Variants in RBFOX1 observed in about 807,000 individuals in gnomAD.
RBFOX1 encodes RNA binding fox-1 homolog 1.
A neutral mutation model predicts 57.7 loss-of-function variants in RBFOX1; 8 were observed. That is an observed-to-expected ratio of 0.14 (90% confidence interval 0.08 to 0.25). The LOEUF is 0.25. Among genes scored for constraint, RBFOX1 ranks in the 10% least tolerant of loss-of-function variants. The pLI, the probability that RBFOX1 is intolerant of heterozygous loss-of-function variation, is 1.00. For missense variants in RBFOX1, 611 were observed against 548.5 expected, an observed-to-expected ratio of 1.11 and a Z score of -1.14; for synonymous variants, 326 against 222.4, an observed-to-expected ratio of 1.47 and a Z score of -4.15.
chr16:6,647,010 T>C (rs568836243), intron 2 of RBFOX1, among the ~76,000 whole-genome samples: 1 of 152,200 alleles, frequency 6.6e-6, no homozygotes. Context: ...TGCCATAGAC[T>C]GGATAGCTTC....
At chr16:6,298,088 C>A (rs139271323) in intron 1 of RBFOX1, among the ~76,000 whole-genome samples, 1 of 152,150 alleles carries the variant, frequency 6.6e-6, no homozygotes, top group African/African-American at 2.4e-5. Context: ...TTAAGCCATC[C>A]GTGGATGGCA....
chr16:7,619,513 G>C (rs1484087344), intron 10 of RBFOX1, among the ~76,000 whole-genome samples: 2 of 122 alleles, frequency 0.016, no homozygotes, highest in Non-Finnish European at 0.031. Flanking sequence ...ATCTGAGAAG[G>C]CTTAGAAGGC....
At chr16:5,728,450 A>T (rs975858471) in intron 3 of RBFOX1, among the ~76,000 whole-genome samples, 1 of 152,224 alleles carries the variant, frequency 6.6e-6, no homozygotes, top group Non-Finnish European at 1.5e-5. Context: ...GGTTAGCTCA[A>T]GGGAAGTCAT....
chr16:6,550,161 C>A (rs903168024), intron 2 of RBFOX1, among the ~76,000 whole-genome samples: 2 of 152,020 alleles, frequency 1.3e-5, no homozygotes, highest in Admixed American at 6.5e-5. Context: ...TCTCACTGTT[C>A]TTCATGGTAC....
chr16:7,291,970 TTATA>T (rs1229405200), intron 4 of RBFOX1, among the ~76,000 whole-genome samples: 1 of 98,896 alleles, frequency 1.0e-5, no homozygotes, highest in East Asian at 3.1e-4. Flanking sequence ...ATAATATATT[TTATA>T]TATAATATAG....
intron 3 of RBFOX1, among the ~76,000 whole-genome samples, chr16:6,961,521 T>C (rs1389844209): frequency 6.6e-6 from 1 of 152,172 alleles, no homozygotes; most frequent in Non-Finnish European, 1.5e-5. Context: ...AGCGAGTCCG[T>C]AAAGTCAAAG....
At chr16:6,099,747 C>T (rs1597303394) in intron 1 of RBFOX1, among the ~76,000 whole-genome samples, 1 of 152,186 alleles carries the variant, frequency 6.6e-6, no homozygotes, top group Admixed American at 6.5e-5. Context: ...CAGGAAAGTG[C>T]TCTGTGACTT....
rs888699204 is a variant in RBFOX1, at chr16:5,821,296, AT to A, written c.319-45990del. ...GCTGTCTGTCATTCTCTCTTTTTTT[AT>A]TTTTTTTTTTTTTTTTGAGACGGAG... is the stretch of plus-strand genomic sequence containing the variant. On this transcript the variant is annotated intron_variant, in intron 3 of 19. Coordinates refer to the RBFOX1 transcript ENST00000641259. 4.5e-3 allele frequency among the ~76,000 whole-genome samples: 587 copies of A among 129,348 alleles called. 7 individuals carry two copies. The highest frequency in any genetic ancestry group is 8.0e-3 in the South Asian group (30 of 3,750). The allele number at this position is 129,348 out of a possible 152,430, so 84.9% of individuals were successfully genotyped here.
intron 1 of RBFOX1, among the ~76,000 whole-genome samples, chr16:6,083,664 A>C (rs1198705732): frequency 2.0e-5 from 3 of 152,034 alleles, no homozygotes; most frequent in Non-Finnish European, 4.4e-5. Context: ...ATTTGTAGAC[A>C]CGGGGTCTCA....
chr16:6,784,638 G>T (rs978798657), intron 3 of RBFOX1, among the ~76,000 whole-genome samples: 3 of 151,856 alleles, frequency 2.0e-5, no homozygotes, highest in Non-Finnish European at 4.4e-5. Flanking sequence ...AGTCCATTTG[G>T]TGAGGTCGTG....
intron 2 of RBFOX1, among the ~76,000 whole-genome samples, chr16:5,496,780 G>T (rs1455821404): frequency 6.6e-6 from 1 of 152,156 alleles, no homozygotes; most frequent in Admixed American, 6.5e-5. Context: ...CCTGTGTCGA[G>T]ATCCATTTCT....
intron 4 of RBFOX1, among the ~76,000 whole-genome samples, chr16:7,247,874 A>C (rs998907164): frequency 1.3e-5 from 2 of 152,138 alleles, no homozygotes; most frequent in African/African-American, 2.4e-5. Context: ...AACAACACAC[A>C]CTGGGGCCTA....
intron 2 of RBFOX1, among the ~76,000 whole-genome samples, chr16:5,549,349 G>A (rs2045364418): frequency 6.6e-6 from 1 of 152,162 alleles, no homozygotes; most frequent in Non-Finnish European, 1.5e-5. Context: ...GCTGGTAACT[G>A]GATCTGCTTC....
At chr16:5,860,300 C>T (rs900776191) in intron 3 of RBFOX1, among the ~76,000 whole-genome samples, 8 of 152,140 alleles carry the variant, frequency 5.3e-5, no homozygotes, top group African/African-American at 1.7e-4. Flanking sequence ...TCAGGCTGGT[C>T]AGGAGACCTC....
rs1161620415 is a variant in RBFOX1 at position 7,085,568 on chromosome 16, G to C, written c.27+33470G>C. Among the ~76,000 whole-genome samples the C allele has an allele frequency of 5.9e-5, 9 of 152,184 alleles. No individual in the cohort carries two copies. The East Asian group carries it at 1.7e-3, about 30-fold the overall frequency. On this transcript the variant is annotated intron_variant, in intron 4 of 15. Transcript: ENST00000550418. ...AGAGCACGTGTTCAGTAGAATATTT[G>C]TGGAATCAATGAATGAACATATGCC...
intron 3 of RBFOX1, among the ~76,000 whole-genome samples, chr16:6,802,194 T>C (rs1379496791): frequency 6.6e-6 from 1 of 152,046 alleles, no homozygotes; most frequent in African/African-American, 2.4e-5. Context: ...ATCCCAGCCT[T>C]TGTAGATGGG....
intron 3 of RBFOX1, among the ~76,000 whole-genome samples, chr16:7,049,454 A>G (rs2049180846): frequency 6.7e-6 from 1 of 149,538 alleles, no homozygotes; most frequent in Non-Finnish European, 1.5e-5. Context: ...TTTAAAAAGA[A>G]AGAACAGTAA....
chr16:5,485,033 TAGGTGAG>T (rs2069677768), intron 2 of RBFOX1, among the ~76,000 whole-genome samples: 1 of 151,238 alleles, frequency 6.6e-6, no homozygotes, highest in Non-Finnish European at 1.5e-5. Flanking sequence ...CACTGCAACC[TAGGTGAG>T]AGCCTGTCTC....
intron 4 of RBFOX1, among the ~76,000 whole-genome samples, chr16:7,229,539 GGAAGGA>G (rs1478535063): frequency 1.5e-4 from 22 of 147,744 alleles, no homozygotes; most frequent in African/African-American, 3.0e-4. Context: ...AGGGAGGAAG[GGAAGGA>G]GAGAGAGAGG....
Sources: allele counts gnomAD v4.1 joint callset (sites outside exome capture counted in the v4.1 genomes callset), GRCh38; gene constraint gnomAD v4.1.1; transcripts MANE v1.5; gene names NCBI Gene and HGNC (gene_info 2026-07-23, HGNC 2026-07-21).